PRIM2: variants seen among roughly 807,000 people sequenced by gnomAD.
The protein encoded by PRIM2 is DNA primase large subunit.
PRIM2 carries 39 observed loss-of-function variants against 67.3 expected under a neutral mutation model. That is an observed-to-expected ratio of 0.58 (90% confidence interval 0.45 to 0.76). PRIM2 has a LOEUF of 0.76. PRIM2 is among the 30% of genes least tolerant of loss of function. The probability of loss-of-function intolerance (pLI) is 0.00; values close to 1 mark genes in which losing one functional copy is unlikely to be tolerated. For missense variants in PRIM2, 398 were observed against 598.7 expected, an observed-to-expected ratio of 0.66 and a Z score of 3.50; for synonymous variants, 143 against 198.7, an observed-to-expected ratio of 0.72 and a Z score of 2.36.
chr6:57,440,902 G>T (rs1397555600), intron 7 of PRIM2, among the ~76,000 whole-genome samples: 1 of 152,038 alleles, frequency 6.6e-6, no homozygotes, highest in Admixed American at 6.6e-5. Flanking sequence ...ACAATGCCCT[G>T]GTGCAAAATA....
At chr6:57,240,089 C>CTGTTTTTTTTTTT in the PRIM2 span, among the ~76,000 whole-genome samples, 1 of 92,074 alleles carries the variant, frequency 1.1e-5, no homozygotes, top group African/African-American at 4.9e-5. Flanking sequence ...GATCAATAAT[C>CTGTTTTTTTTTTT]TGTTTTTTTT....
intron 7 of PRIM2, among the ~76,000 whole-genome samples, chr6:57,433,080 AT>A (rs1204312956): frequency 6.6e-6 from 1 of 152,162 alleles, no homozygotes; most frequent in Non-Finnish European, 1.5e-5. Flanking sequence ...AGTCATGCCT[AT>A]TCGTTATGTA....
intron 10 of PRIM2, among the ~76,000 whole-genome samples, chr6:57,542,286 A>G (rs1209204562): frequency 2.0e-5 from 3 of 152,094 alleles, no homozygotes; most frequent in Non-Finnish European, 2.9e-5. Context: ...CCGGCTGGTG[A>G]GCTGGGTTGT....
intron 7 of PRIM2, among the ~76,000 whole-genome samples, chr6:57,479,669 A>C (rs1278696620): frequency 1.3e-5 from 2 of 152,336 alleles, no homozygotes; most frequent in African/African-American, 2.4e-5. Flanking sequence ...AGAACATTCA[A>C]ATGCGCCACT....
chr6:57,431,014 A>G (rs576270253), intron 7 of PRIM2, among the ~76,000 whole-genome samples: 4 of 152,290 alleles, frequency 2.6e-5, no homozygotes, highest in African/African-American at 7.2e-5. Context: ...TTGCTTTTTC[A>G]TATAGCATTC....
At chr6:57,274,943 A>T in the PRIM2 span, among the ~76,000 whole-genome samples, 4 of 137,386 alleles carry the variant, frequency 2.9e-5, no homozygotes, top group Admixed American at 7.2e-5. Context: ...CACCTGGCTA[A>T]TTTTTTTTTT....
chr6:57,559,097 T>C (rs1218654772), intron 10 of PRIM2, among the ~76,000 whole-genome samples: 1 of 151,592 alleles, frequency 6.6e-6, no homozygotes, highest in Non-Finnish European at 1.5e-5. Context: ...GCCACTTTAC[T>C]CTAGCCTGGG....
the PRIM2 span, among the ~76,000 whole-genome samples, chr6:57,243,121 C>T: frequency 1.3e-5 from 2 of 152,206 alleles, no homozygotes; most frequent in Non-Finnish European, 1.5e-5. Flanking sequence ...CATCTTCACA[C>T]ATTCTGAATG....
intron 5 of PRIM2, among the ~76,000 whole-genome samples, chr6:57,329,795 G>C (rs1767993696): frequency 6.6e-6 from 1 of 152,150 alleles, no homozygotes; most frequent in Admixed American, 6.5e-5. Context: ...CGTGAGAACA[G>C]ACTAATACAA....
chr6:57,600,561 G>A (rs1337404335), intron 10 of PRIM2, among the ~76,000 whole-genome samples: 2 of 151,994 alleles, frequency 1.3e-5, no homozygotes, highest in African/African-American at 2.4e-5. Context: ...TCACTGTGTT[G>A]CCCAGGCTGG....
chr6:57,431,089 G>A (rs5002577), intron 7 of PRIM2, among the ~76,000 whole-genome samples: 4 of 152,112 alleles, frequency 2.6e-5, no homozygotes, highest in African/African-American at 7.2e-5. Flanking sequence ...TACACACACA[G>A]ACACACACAC....
chr6:57,646,080 A>T lies in PRIM2; in HGVS notation c.1452A>T (p.Ser484=). The T allele has an allele frequency of 6.2e-7, 1 of 1,604,132 alleles. No individual in the cohort carries two copies. The highest frequency in any genetic ancestry group is 8.5e-7 in the Non-Finnish European group (1 of 1,170,878). Residue 484 remains serine (S), a synonymous_variant, in exon 14 of 14, where the codon TCA becomes TCT. Transcript: ENST00000615550. The part of the protein sequence containing the change: ...KPSVQKTKDA[S]SALASLNSSL... ...GTGTCCAGAAAACCAAGGATGCATC[A>T]TCTGCTCTGGCCTCTTTAAATTCCT...
At chr6:57,227,641 C>CAAAAAAAAAA in the PRIM2 span, among the ~76,000 whole-genome samples, 1 of 84,082 alleles carries the variant, frequency 1.2e-5, no homozygotes, top group Non-Finnish European at 2.3e-5. Flanking sequence ...GAGACCATCT[C>CAAAAAAAAAA]AAAAAAAAAA....
intron 13 of PRIM2, among the ~76,000 whole-genome samples, chr6:57,644,697 T>A (rs1365122690): frequency 6.6e-6 from 1 of 152,168 alleles, no homozygotes; most frequent in Non-Finnish European, 1.5e-5. Flanking sequence ...CGTAAAAGGA[T>A]TAGTTAATAC....
chr6:57,598,086 T>C (rs1776400226), intron 10 of PRIM2, among the ~76,000 whole-genome samples: 1 of 152,202 alleles, frequency 6.6e-6, no homozygotes. Flanking sequence ...TTGAAGATTT[T>C]GCCCTTTGAA....
At chr6:57,563,186 A>C (rs1775672020) in intron 10 of PRIM2, among the ~76,000 whole-genome samples, 1 of 152,122 alleles carries the variant, frequency 6.6e-6, no homozygotes, top group African/African-American at 2.4e-5. Context: ...GATTTTGGGA[A>C]TAGCCTTTTG....
rs1240633767 is a variant in PRIM2 at position 57,643,349 on chromosome 6, A to AT, written c.1300-2578dup. On this transcript the variant is annotated intron_variant, in intron 13 of 13. Coordinates refer to ENST00000615550, the MANE Select transcript of PRIM2 (RefSeq NM_000947.5). Reference sequence around the variant, plus strand: ...GATATCATTATCAGTATGATTTTGCATACAATCTCTTAAAACAGATTTCAG... The same window carrying AT: ...GATATCATTATCAGTATGATTTTGCATTACAATCTCTTAAAACAGATTTCAG... 2.9e-3 allele frequency among the ~76,000 whole-genome samples: 449 copies of AT among 152,356 alleles called. 4 individuals are homozygous for AT. Among genetic ancestry groups the AT allele is most frequent in the African/African-American group, 0.01 (416 of 41,598 alleles).
chr6:57,598,514 A>G (rs1776407797), intron 10 of PRIM2, among the ~76,000 whole-genome samples: 1 of 152,122 alleles, frequency 6.6e-6, no homozygotes. Flanking sequence ...TGTCAAAGGT[A>G]CATTGTCTGC....
intron 7 of PRIM2, among the ~76,000 whole-genome samples, chr6:57,412,120 A>G (rs1378724676): frequency 6.6e-6 from 1 of 151,298 alleles, no homozygotes; most frequent in Admixed American, 6.6e-5. Context: ...TTTTGTAGAA[A>G]ATTTGGAGAG....
Sources: gnomAD v4.1 joint callset for allele counts (sites outside exome capture counted in the v4.1 genomes callset) on GRCh38, gnomAD v4.1.1 for gene constraint, MANE v1.5 for transcripts, NCBI Gene and HGNC (gene_info 2026-07-23, HGNC 2026-07-21) for gene names.